The following DST variants were observed in gnomAD, a reference collection of about 807,000 sequenced individuals.
DST encodes the protein bullous pemphigoid antigen.
Under a neutral mutation model 875.2 loss-of-function variants are expected in DST, and 253 were observed. That is an observed-to-expected ratio of 0.29 (90% CI 0.26 to 0.32). The LOEUF is 0.32. Ranked by LOEUF, DST falls within the 10% of genes least tolerant of loss-of-function variation. DST has a pLI of 1.00. For synonymous variants in DST, 3,124 were observed against 3,197.1 expected (o/e 0.98, Z 0.77); for missense variants, 8,287 against 9,111.6 (o/e 0.91, Z 3.68).
intron 9 of DST, among the ~76,000 whole-genome samples, chr6:56,674,254 A>G (rs6916813): frequency 0.088 from 13,433 of 152,144 alleles, 1,878 homozygotes; most frequent in African/African-American, 0.3. Context: ...AGTTAATGAA[A>G]TGAATGACCC....
Position 56,666,999 on chromosome 6 carries a change from TA to T in DST, c.1214+3641del, listed in dbSNP as rs946793600. 5.6e-3 allele frequency among the ~76,000 whole-genome samples: 816 copies of T among 145,610 alleles called. 7 individuals are homozygous for T. The highest frequency in any genetic ancestry group is 0.019 in the African/African-American group (752 of 39,940). On this transcript the variant is annotated intron_variant, in intron 10 of 103. Transcript: ENST00000680361. ...AGTCAAGCAACTGAAAGTAGAGAAT[TA>T]AAAAAAAAAACTCCAAAGAAAATTC... is the stretch of plus-strand genomic sequence containing the variant.
intron 88 of DST, chr6:56,484,374 A>T (rs2152425755): frequency 6.6e-6 from 1 of 152,158 alleles, no homozygotes; most frequent in African/African-American, 2.4e-5. Flanking sequence ...TTCAGGTGTA[A>T]CAAACTCTCT....
At chr6:56,540,631 G>A (rs1228095428) in intron 61 of DST, 2 of 152,496 alleles carry the variant, frequency 1.3e-5, no homozygotes, top group Non-Finnish European at 2.9e-5. Flanking sequence ...CGTATGTTTC[G>A]TCCTCTTCTC....
Position 56,603,944 on chromosome 6 carries a change from A to G in DST, c.10684T>C (p.Leu3562=), listed in dbSNP as rs111228847. Residue 3562 remains leucine (L), a synonymous_variant, in exon 40 of 104, where the codon TTG becomes CTG. Transcript: ENST00000680361. ...LESSTVWAST[L]PRDEKLKDLC... is the part of the protein sequence containing the mutation. ...TCCTTGAGCTTCTCATCTCTTGGCA[A>G]TGTTGATGCCCACACAGTAGAGCTT... The G allele has an allele frequency of 6.5e-4, 1,040 of 1,611,404 alleles. 12 individuals carry two copies. The highest frequency in any genetic ancestry group is 1.0e-4 in the Non-Finnish European group (122 of 1,178,634).
At chr6:56,826,080 A>C (rs570003878) in intron 4 of DST, among the ~76,000 whole-genome samples, 1 of 152,364 alleles carries the variant, frequency 6.6e-6, no homozygotes, top group Admixed American at 6.5e-5. Flanking sequence ...CCAATATTAC[A>C]CATGTCTGAA....
intron 92 of DST, among the ~76,000 whole-genome samples, chr6:56,475,002 T>C (rs1390628526): frequency 6.7e-6 from 1 of 148,492 alleles, no homozygotes; most frequent in Admixed American, 6.7e-5. Context: ...CTCTTTGATA[T>C]ATTATGACAT....
In DST at chr6:56,458,584, C is replaced by T. The variant is rs116715387; in HGVS notation, c.*421G>A. The T allele has an allele frequency of 7.8e-3, 1,201 of 153,842 alleles. 16 individuals are homozygous for T. Among genetic ancestry groups the T allele is most frequent in the African/African-American group, 0.027 (1,104 of 41,574 alleles). The allele number at this position is 153,842 out of a possible 1,614,324, so 9.5% of individuals were successfully genotyped here. A position where few individuals can be genotyped will look rare whatever the true frequency, so the allele number is the denominator to read the frequency against. ...TCCATCTTTTGGTTTACATTTAAAT[C>T]ATCTCAAAAAATATCCCCTGCATGT... On this transcript the variant is annotated 3_prime_UTR_variant, in exon 104 of 104. Transcript: ENST00000680361.
At chr6:56,824,516 G>T (rs963809219) in intron 4 of DST, among the ~76,000 whole-genome samples, 15 of 151,984 alleles carry the variant, frequency 9.9e-5, no homozygotes, top group Non-Finnish European at 1.9e-4. Flanking sequence ...AGTCTGGAAA[G>T]TGAGGAGCGT....
At chr6:56,626,141 A>C (rs189161762) in intron 34 of DST, among the ~76,000 whole-genome samples, 248 of 152,282 alleles carry the variant, frequency 1.6e-3, no homozygotes, top group Non-Finnish European at 3.0e-3. Flanking sequence ...ATAATGTAAA[A>C]AAGTTACAGT....
At position 56,528,922 on chromosome 6, in the gene DST, G is replaced by A. The variant is rs1341839149; in HGVS notation, c.17599C>T (p.Leu5867=). The change falls in exon 67 of 104, where the codon CTG becomes TTG. Residue 5867 remains leucine, a synonymous_variant. Transcript: ENST00000680361. ...LWKQQSELRV[L]QEDILLRKQN... ...TTCCTGAGTAAGATGTCCTCTTGCA[G>A]AACCTGAAAACACAGGTACCATTTT... The A allele has an allele frequency of 1.3e-6, 2 of 1,577,792 alleles. No homozygotes were observed. Among genetic ancestry groups the A allele is most frequent in the Non-Finnish European group, 1.7e-6 (2 of 1,158,906 alleles).
chr6:56,642,580 C>A, intron 15 of DST, 77 bp from the exon 16 acceptor site: 1 of 1,612,678 alleles, frequency 6.2e-7, no homozygotes, highest in South Asian at 1.1e-5. Context: ...AAGTGCTGCC[C>A]ATCAAAAAGT....
At chr6:56,784,525 G>C (rs35986172) in intron 4 of DST, among the ~76,000 whole-genome samples, 1 of 152,058 alleles carries the variant, frequency 6.6e-6, no homozygotes, top group African/African-American at 2.4e-5. Flanking sequence ...ATCAGCTCCT[G>C]AGGCTTCTGC....
intron 76 of DST, 48 bp downstream of exon 76, chr6:56,506,619 T>C (rs765624109): frequency 1.9e-6 from 3 of 1,610,404 alleles, no homozygotes; most frequent in Non-Finnish European, 2.5e-6. Flanking sequence ...ATATTTTAGT[T>C]AACTAAAAAC....
At chr6:56,845,407 G>A (rs2127563658) in intron 4 of DST, among the ~76,000 whole-genome samples, 1 of 152,252 alleles carries the variant, frequency 6.6e-6, no homozygotes, top group South Asian at 2.1e-4. Context: ...GATAGAACTG[G>A]AGCACTCCTC....
intron 55 of DST, among the ~76,000 whole-genome samples, chr6:56,564,078 T>G (rs886186977): frequency 6.6e-6 from 1 of 152,216 alleles, no homozygotes; most frequent in Non-Finnish European, 1.5e-5. Context: ...TGGTTCCATA[T>G]GAAATTTAAA....
chr6:56,648,456 A>T, intron 13 of DST, 114 bp downstream of exon 13: 1 of 1,002,224 alleles, frequency 1.0e-6, no homozygotes, highest in Non-Finnish European at 1.4e-6. Context: ...CCTACTTATT[A>T]ATGGCTTTCC....
In DST at chr6:56,609,101, C is replaced by T. The variant is rs756402766; in HGVS notation, c.5527G>A (p.Glu1843Lys). ...CQLKELSKAK[E>K]IISAASPTTI... ...GTAGGTGACGCAGCAGAAATAATCT[C>T]CTTAGCTTTACTTAGTTCTTTGAGT... Residue 1843 changes from glutamate to lysine, a missense_variant, in exon 40 of 104, where the codon GAG becomes AAG. Coordinates refer to ENST00000680361, the MANE Select transcript of DST (RefSeq NM_001374736.1). The T allele has an allele frequency of 1.2e-6, 2 of 1,613,666 alleles. No homozygotes were observed. The highest frequency in any genetic ancestry group is 1.3e-5 in the African/African-American group (1 of 74,900).
At chr6:56,541,459 T>G (rs1016881280) in intron 61 of DST, 1 of 152,688 alleles carries the variant, frequency 6.5e-6, no homozygotes, top group Non-Finnish European at 1.5e-5. Flanking sequence ...TATCATAGAT[T>G]GACCGCTGTG....
intron 86 of DST, among the ~76,000 whole-genome samples, chr6:56,489,097 T>G (rs915196931): frequency 6.6e-6 from 1 of 152,166 alleles, no homozygotes; most frequent in South Asian, 2.1e-4. Flanking sequence ...GCAAAATATC[T>G]ATTACTTTTT....
Sources: gnomAD v4.1 joint callset for allele counts (sites outside exome capture counted in the v4.1 genomes callset) on GRCh38, gnomAD v4.1.1 for gene constraint, MANE v1.5 for transcripts, NCBI Gene and HGNC (gene_info 2026-07-23, HGNC 2026-07-21) for gene names.